Variants in UNC13C observed in about 807,000 individuals in gnomAD.
UNC13C encodes protein unc-13 homolog C.
In UNC13C, 174 loss-of-function variants were observed where a neutral mutation model predicts 245.4. The observed-to-expected ratio is 0.71, with a 90% CI of 0.63 to 0.80. The LOEUF (loss-of-function observed/expected upper bound fraction) is 0.80, where lower values mean the gene tolerates loss of function less well. Ranked by LOEUF, UNC13C falls within the 30% of genes least tolerant of loss-of-function variation. UNC13C has a pLI of 0.00. For synonymous variants in UNC13C, 992 were observed against 895.1 expected (o/e 1.11, Z -1.93); for missense variants, 2,829 against 2,602.9 (o/e 1.09, Z -1.89).
the UNC13C span, among the ~76,000 whole-genome samples, chr15:53,921,263 A>G: frequency 6.6e-6 from 1 of 152,212 alleles, no homozygotes; most frequent in African/African-American, 2.4e-5. Context: ...CTTCTCAGCT[A>G]CTATAAAAAC....
chr15:54,264,815 AATG>A (rs1567145167), intron 9 of UNC13C, among the ~76,000 whole-genome samples: 1 of 151,920 alleles, frequency 6.6e-6, no homozygotes, highest in Non-Finnish European at 1.5e-5. Context: ...ATTTGAGTTT[AATG>A]ATATCTAGTA....
chr15:54,165,505 C>G (rs2033132086), intron 4 of UNC13C, among the ~76,000 whole-genome samples: 1 of 152,046 alleles, frequency 6.6e-6, no homozygotes, highest in Admixed American at 6.6e-5. Flanking sequence ...GAGTAAATGA[C>G]AGAGCTAGGT....
At chr15:54,539,208 C>G (rs1896131131) in intron 26 of UNC13C, among the ~76,000 whole-genome samples, 1 of 151,862 alleles carries the variant, frequency 6.6e-6, no homozygotes, top group South Asian at 2.1e-4. Flanking sequence ...TGCCTTCTTA[C>G]TACATAAGTC....
At chr15:54,201,081 C>T (rs1282473867) in intron 4 of UNC13C, among the ~76,000 whole-genome samples, 1 of 152,026 alleles carries the variant, frequency 6.6e-6, no homozygotes, top group Non-Finnish European at 1.5e-5. Flanking sequence ...GGATAAATTC[C>T]TGGAAATATA....
chr15:54,477,839 G>A (rs1179225106), intron 19 of UNC13C, among the ~76,000 whole-genome samples: 1 of 149,278 alleles, frequency 6.7e-6, no homozygotes, highest in Middle Eastern at 3.2e-3. Context: ...GAGTTAAGGA[G>A]GAGTCCCTCT....
intron 18 of UNC13C, among the ~76,000 whole-genome samples, chr15:54,393,621 A>C (rs1379503879): frequency 1.3e-5 from 2 of 151,942 alleles, no homozygotes; most frequent in African/African-American, 2.4e-5. Context: ...TAACAAATTT[A>C]ATAACATATT....
At chr15:54,543,888 C>G (rs1022378756) in intron 26 of UNC13C, among the ~76,000 whole-genome samples, 1 of 152,126 alleles carries the variant, frequency 6.6e-6, no homozygotes, top group Non-Finnish European at 1.5e-5. Context: ...TGATACTATT[C>G]CTTCTGAAAC....
At chr15:54,120,223 T>C (rs1179289879) in intron 2 of UNC13C, among the ~76,000 whole-genome samples, 1 of 152,154 alleles carries the variant, frequency 6.6e-6, no homozygotes, top group Non-Finnish European at 1.5e-5. Context: ...AACAAGCTGA[T>C]TCTCTTATTA....
At chr15:54,495,071 T>C (rs961591533) in intron 20 of UNC13C, among the ~76,000 whole-genome samples, 1 of 152,042 alleles carries the variant, frequency 6.6e-6, no homozygotes, top group Non-Finnish European at 1.5e-5. Context: ...TATTGACCTA[T>C]ATATTCAGAT....
intron 4 of UNC13C, among the ~76,000 whole-genome samples, chr15:54,175,949 G>A (rs2033599090): frequency 6.6e-6 from 1 of 152,170 alleles, no homozygotes; most frequent in South Asian, 2.1e-4. Context: ...TCAGCATAGT[G>A]TGAGAAGCAC....
chr15:53,948,251 G>A, the UNC13C span: 1 of 152,040 alleles, frequency 6.6e-6, no homozygotes, highest in Non-Finnish European at 1.5e-5. Flanking sequence ...TTTGAAAGTG[G>A]TTCTTGTGGA....
intron 19 of UNC13C, among the ~76,000 whole-genome samples, chr15:54,421,083 C>T (rs1242563526): frequency 1.3e-5 from 2 of 151,982 alleles, no homozygotes; most frequent in Non-Finnish European, 2.9e-5. Context: ...TGAATATTAA[C>T]TTATTTGATC....
At chr15:54,203,645 A>T (rs2034599883) in intron 4 of UNC13C, among the ~76,000 whole-genome samples, 1 of 147,902 alleles carries the variant, frequency 6.8e-6, no homozygotes, top group Admixed American at 6.8e-5. Flanking sequence ...ATGGAATACT[A>T]CTCAGTCATA....
chr15:54,573,067 C>T (rs1897826530), intron 30 of UNC13C, among the ~76,000 whole-genome samples: 1 of 152,098 alleles, frequency 6.6e-6, no homozygotes, highest in Non-Finnish European at 1.5e-5. Flanking sequence ...TTAAGACATA[C>T]TTCCCTTTAA....
chr15:54,236,327 A>G, intron 5 of UNC13C, 103 bp from the exon 6 acceptor site: 1 of 866,210 alleles, frequency 1.2e-6, no homozygotes, highest in Non-Finnish European at 1.8e-6. Flanking sequence ...ATGTGGAAAT[A>G]ATTGTAAAGT....
At chr15:54,609,580 TAAAC>T (rs1273977779) in intron 30 of UNC13C, 1 of 152,228 alleles carries the variant, frequency 6.6e-6, no homozygotes, top group African/African-American at 2.4e-5. Context: ...AGATGTTTGT[TAAAC>T]AATTCAGATA....
At chr15:54,600,885 T>A (rs1899376144) in intron 30 of UNC13C, among the ~76,000 whole-genome samples, 1 of 152,098 alleles carries the variant, frequency 6.6e-6, no homozygotes. Context: ...TATAGTCTAA[T>A]GCATGGGTGT....
At chr15:53,837,691 G>T in the UNC13C span, 1 of 152,090 alleles carries the variant, frequency 6.6e-6, no homozygotes, top group Non-Finnish European at 1.5e-5. Context: ...AAATTTTAAT[G>T]CTTTGCTTTT....
chr15:54,412,429 C>T (rs1327071928), intron 18 of UNC13C, among the ~76,000 whole-genome samples: 2 of 152,128 alleles, frequency 1.3e-5, no homozygotes, highest in Non-Finnish European at 2.9e-5. Context: ...AGTACTCACT[C>T]ACTATAAGAG....
Sources: gnomAD v4.1 joint callset for allele counts (sites outside exome capture counted in the v4.1 genomes callset) on GRCh38, gnomAD v4.1.1 for gene constraint, MANE v1.5 for transcripts, NCBI Gene and HGNC (gene_info 2026-07-23, HGNC 2026-07-21) for gene names.